Variants in ARHGAP17 observed in about 807,000 individuals in gnomAD.
The protein encoded by ARHGAP17 is Rho GTPase activating protein 17.
ARHGAP17 carries 57 observed loss-of-function variants against 99.5 expected under a neutral mutation model. The observed-to-expected ratio is 0.57, with a 90% CI of 0.46 to 0.71. The LOEUF (loss-of-function observed/expected upper bound fraction) is 0.71. ARHGAP17 is among the 30% of genes least tolerant of loss of function. The pLI is 0.00. For missense variants in ARHGAP17, 1,000 were observed against 1,122.4 expected, an observed-to-expected ratio of 0.89 and a Z score of 1.56; for synonymous variants, 417 against 429.6, an observed-to-expected ratio of 0.97 and a Z score of 0.36.
chr16:24,942,005 T>C lies in ARHGAP17; in HGVS notation c.1472A>G (p.Asp491Gly). The C allele has an allele frequency of 6.2e-7, 1 of 1,614,002 alleles. No homozygotes were observed. Among genetic ancestry groups the C allele is most frequent in the South Asian group, 1.1e-5 (1 of 91,070 alleles). Residue 491 changes from aspartate (D) to glycine (G), a missense_variant, in exon 16 of 20, where the codon GAC becomes GGC. Physicochemically the swap from Asp to Gly is moderately conservative, Grantham distance 94. Transcript: ENST00000289968. ...RPASMAVMEGDLVKKESFGVK... is the reference protein window; with the variant it reads ...RPASMAVMEGGLVKKESFGVK... ...ATCATACCTTTCCTTCTTCACCAAG[T>C]CTCCTTCCATCACCGCCATGCTAGC...
intron 19 of ARHGAP17, among the ~76,000 whole-genome samples, chr16:24,923,283 C>A (rs73555416): frequency 0.023 from 3,454 of 152,258 alleles, 128 homozygotes; most frequent in African/African-American, 0.078. Context: ...TTCAGTCTTA[C>A]AAACACTCTG....
chr16:25,012,998 G>A (rs556095634), intron 1 of ARHGAP17, among the ~76,000 whole-genome samples: 1 of 152,290 alleles, frequency 6.6e-6, no homozygotes, highest in African/African-American at 2.4e-5. Context: ...AGGAACCACA[G>A]CAGACCCTGG....
intron 12 of ARHGAP17, 61 bp downstream of exon 12, chr16:24,952,228 A>G: frequency 1.5e-6 from 2 of 1,296,022 alleles, no homozygotes; most frequent in Non-Finnish European, 2.2e-6. Context: ...TGATTTGCAA[A>G]TAGGGCACAA....
intron 13 of ARHGAP17, among the ~76,000 whole-genome samples, chr16:24,948,565 C>T (rs1294098247): frequency 6.6e-6 from 1 of 152,096 alleles, no homozygotes; most frequent in Non-Finnish European, 1.5e-5. Flanking sequence ...AAGTACTGAG[C>T]TCTCACCATA....
At chr16:24,976,867 T>C (rs1202616272) in intron 3 of ARHGAP17, among the ~76,000 whole-genome samples, 1 of 152,230 alleles carries the variant, frequency 6.6e-6, no homozygotes, top group Admixed American at 6.5e-5. Context: ...ACTTTTCAGT[T>C]AGCAAACCAA....
chr16:24,928,892 G>C (rs796356454), intron 19 of ARHGAP17, among the ~76,000 whole-genome samples: 14 of 152,292 alleles, frequency 9.2e-5, no homozygotes, highest in African/African-American at 3.4e-4. Flanking sequence ...TCAGTGTAGG[G>C]TATTTGGCGG....
intron 1 of ARHGAP17, among the ~76,000 whole-genome samples, chr16:25,013,518 G>T (rs1401426571): frequency 6.6e-6 from 1 of 152,086 alleles, no homozygotes; most frequent in Non-Finnish European, 1.5e-5. Flanking sequence ...CCACATAGGT[G>T]GCTGAGGCGA....
chr16:24,950,273 C>G (rs534090780), intron 12 of ARHGAP17, among the ~76,000 whole-genome samples: 1 of 152,128 alleles, frequency 6.6e-6, no homozygotes, highest in African/African-American at 2.4e-5. Context: ...AACAGATAGA[C>G]GCCTTCTTTT....
intron 18 of ARHGAP17, among the ~76,000 whole-genome samples, chr16:24,932,689 G>T (rs1024157523): frequency 2.6e-5 from 4 of 152,000 alleles, no homozygotes; most frequent in Non-Finnish European, 5.9e-5. Flanking sequence ...TCTCTAAAGA[G>T]AGCTGAATCA....
At chr16:24,945,564 C>G (rs1168776992) in intron 14 of ARHGAP17, among the ~76,000 whole-genome samples, 1 of 152,182 alleles carries the variant, frequency 6.6e-6, no homozygotes, top group Non-Finnish European at 1.5e-5. Flanking sequence ...AATCCCAGGT[C>G]TGACTGCCTC....
At chr16:24,964,421 G>A in intron 6 of ARHGAP17, 113 bp from the exon 7 acceptor site, 1 of 731,574 alleles carries the variant, frequency 1.4e-6, no homozygotes, top group Non-Finnish European at 2.3e-6. Flanking sequence ...ACCTGGAAGG[G>A]GTATCATTGC....
At position 24,927,686 on chromosome 16, in the gene ARHGAP17, T is replaced by C. The variant is rs573121711; in HGVS notation, c.2515+3098A>G. On this transcript the variant is annotated intron_variant, in intron 19 of 19. Transcript: ENST00000289968. ...CCAATCAGGTGCCTTTTCCTTACCATTAAATATTCCAATCTCAGTTCTTAC... is the reference window on the plus strand; with the variant it reads ...CCAATCAGGTGCCTTTTCCTTACCACTAAATATTCCAATCTCAGTTCTTAC... The C allele has an allele frequency of 4.2e-5, 51 of 1,211,694 alleles. 1 individual carries two copies. The South Asian group carries it at 6.3e-4, about 15-fold the overall frequency. 75.1% of individuals were successfully genotyped at this position (1,211,694 alleles called of 1,614,324 possible).
At chr16:24,989,603 T>G (rs1490518441) in intron 1 of ARHGAP17, among the ~76,000 whole-genome samples, 1 of 151,320 alleles carries the variant, frequency 6.6e-6, no homozygotes, top group East Asian at 1.9e-4. Context: ...GTGGGGGGAA[T>G]GGGGATTAAC....
intron 3 of ARHGAP17, among the ~76,000 whole-genome samples, chr16:24,976,146 G>T (rs2052508421): frequency 6.6e-6 from 1 of 152,162 alleles, no homozygotes; most frequent in Non-Finnish European, 1.5e-5. Context: ...CAAAAACGGG[G>T]AATGTAACTC....
At chr16:25,006,021 A>C (rs1051171816) in intron 1 of ARHGAP17, among the ~76,000 whole-genome samples, 3 of 152,196 alleles carry the variant, frequency 2.0e-5, no homozygotes, top group Non-Finnish European at 4.4e-5. Flanking sequence ...AGTAATTTAG[A>C]GGTGAGCAGC....
intron 18 of ARHGAP17, among the ~76,000 whole-genome samples, chr16:24,933,944 A>C (rs2051064873): frequency 6.6e-6 from 1 of 152,204 alleles, no homozygotes; most frequent in Non-Finnish European, 1.5e-5. Context: ...CCTGGAATCT[A>C]GGTCCAGAAG....
intron 1 of ARHGAP17, among the ~76,000 whole-genome samples, chr16:24,985,991 G>C (rs141485188): frequency 6.6e-6 from 1 of 152,030 alleles, no homozygotes; most frequent in Non-Finnish European, 1.5e-5. Flanking sequence ...CTACTTAACT[G>C]CACGAAAGCA....
chr16:24,945,364 A>G lies in ARHGAP17; in HGVS notation c.1242-1502T>C, dbSNP rs192017950. ...GAAGAAAGAAGAAGAAGAAGAAGAA[A>G]AAAGTAAGAGTTATTATCACTGCTA... is the stretch of plus-strand genomic sequence containing the variant. On this transcript the variant is annotated intron_variant, in intron 14 of 19. Transcript: ENST00000289968. Among the ~76,000 whole-genome samples, 936 of 150,160 alleles carry G rather than the reference A, an allele frequency of 6.2e-3. 13 individuals carry two copies. The highest frequency in any genetic ancestry group is 0.022 in the African/African-American group (871 of 39,610).
Position 24,952,958 on chromosome 16 carries a change from A to C in ARHGAP17, c.937T>G (p.Phe313Val), listed in dbSNP as rs779047205. The C allele has an allele frequency of 6.2e-7, 1 of 1,614,144 alleles. No homozygotes were observed. Among genetic ancestry groups the C allele is most frequent in the Non-Finnish European group, 8.5e-7 (1 of 1,179,990 alleles). ...GCTACAGCATGGGGGTCTGAATAGA[A>C]CTCATCCAGGTGAGAAGTAGAACAG... ...LDCSTSHLDE[F>V]YSDPHAVAGA... The change falls in exon 11 of 20, where the codon TTC becomes GTC. Residue 313 changes from phenylalanine (F) to valine (V), a missense_variant. Transcript: ENST00000289968.
Sources: gnomAD v4.1 joint callset for allele counts (sites outside exome capture counted in the v4.1 genomes callset) on GRCh38, gnomAD v4.1.1 for gene constraint, MANE v1.5 for transcripts, NCBI Gene and HGNC (gene_info 2026-07-23, HGNC 2026-07-21) for gene names.